RBCK1: variants seen among roughly 807,000 people sequenced by gnomAD.
RBCK1 encodes ranBP-type and C3HC4-type zinc finger-containing protein 1.
A neutral mutation model predicts 71.1 loss-of-function variants in RBCK1; 44 were observed. The ratio of observed to expected loss-of-function variants is 0.62; its 90% CI spans 0.49 to 0.80. The LOEUF (loss-of-function observed/expected upper bound fraction) is 0.80. RBCK1 is among the 30% of genes least tolerant of loss of function. The pLI is 0.00. For synonymous variants in RBCK1, 306 were observed against 279.7 expected, an observed-to-expected ratio of 1.09 and a Z score of -0.94; for missense variants, 569 against 685.0, an observed-to-expected ratio of 0.83 and a Z score of 1.89.
chr20:421,889 G>A, intron 7 of RBCK1: 1 of 521,086 alleles, frequency 1.9e-6, no homozygotes, highest in Non-Finnish European at 3.4e-6. Context: ...GGCTCCTGGA[G>A]TCACCCAGGT....
rs1179360558 is a variant in RBCK1 at position 431,059 on chromosome 20, G to C, written c.*629G>C. 1 of 152,560 alleles carries C rather than the reference G, an allele frequency of 6.6e-6. No homozygotes were observed. Among genetic ancestry groups the C allele is most frequent in the Non-Finnish European group, 1.5e-5 (1 of 68,302 alleles). The allele number at this position is 152,560 out of a possible 1,614,324, so 9.5% of individuals were successfully genotyped here. On this transcript the variant is annotated 3_prime_UTR_variant, in exon 12 of 12. Coordinates refer to ENST00000356286, the MANE Select transcript of RBCK1 (RefSeq NM_031229.4). The surrounding 1 kb of genome is among the most constrained non-coding windows in gnomAD (Gnocchi z 4.8). The stretch of plus-strand genomic sequence containing the variant: ...CCTGAGGTCTCTGGGAACTGCATCA[G>C]AAAGTTGACTTGTCAGTCCATCTGT...
intron 2 of RBCK1, chr20:410,910 A>G: frequency 4.4e-6 from 1 of 228,654 alleles, no homozygotes; most frequent in South Asian, 7.4e-5. Flanking sequence ...TTTAAAGTAT[A>G]CAGTTCAATG....
At position 428,507 on chromosome 20, in the gene RBCK1, T is replaced by C; in HGVS notation, c.1226T>C (p.Met409Thr). 1 of 1,610,228 alleles carries C rather than the reference T, an allele frequency of 6.2e-7. No homozygotes were observed. Among genetic ancestry groups the C allele is most frequent in the Non-Finnish European group, 8.5e-7 (1 of 1,178,452 alleles). ...CCGCTACAGGCCATCCATGAGCAGA[T>C]GAACTGCAAGGAGTATCAGGAGGAC... ...CLLCKAIHEQMNCKEYQEDLA... is the reference protein window; with the variant it reads ...CLLCKAIHEQTNCKEYQEDLA... The change falls in exon 10 of 12, where the codon ATG becomes ACG. Residue 409 changes from methionine to threonine, a missense_variant. Around this residue, in one of 2 missense-constraint regions of RBCK1, gnomAD observed 211 missense variants for 309.4 expected, o/e 0.68. Transcript: ENST00000356286. This position sits in a 1 kb window ranked among gnomAD's most constrained non-coding sequence, Gnocchi z 5.7.
intron 11 of RBCK1, among the ~76,000 whole-genome samples, chr20:429,880 T>C (rs2016930856): frequency 6.6e-6 from 1 of 152,192 alleles, no homozygotes; most frequent in African/African-American, 2.4e-5. Context: ...CCCCATTTCC[T>C]CTGTGAAATG....
chr20:417,456 T>C lies in RBCK1; in HGVS notation c.168-70T>C. ...ATGTGCCTGTGTGCAAATATGTACATGTCTGTAGCCGGTGGCTGAGGCTGG... is the reference window on the plus strand; with the variant it reads ...ATGTGCCTGTGTGCAAATATGTACACGTCTGTAGCCGGTGGCTGAGGCTGG... On this transcript the variant is annotated intron_variant, in intron 2 of 11. Transcript: ENST00000356286. The surrounding 1 kb of genome is among the most constrained non-coding windows in gnomAD (Gnocchi z 4.7). 1.5e-6 allele frequency: 2 copies of C among 1,337,144 alleles called. No homozygotes were observed. The highest frequency in any genetic ancestry group is 1.2e-5 in the South Asian group (1 of 84,924). The allele number at this position is 1,337,144 out of a possible 1,614,324, so 82.8% of individuals were successfully genotyped here.
At chr20:412,146 GTTGT>G (rs1257872506) in intron 2 of RBCK1, among the ~76,000 whole-genome samples, 1 of 152,108 alleles carries the variant, frequency 6.6e-6, no homozygotes, top group African/African-American at 2.4e-5. Flanking sequence ...AATACTTGTT[GTTGT>G]TTATCTTTTT....
At chr20:410,108 C>A in intron 2 of RBCK1, 83 bp downstream of exon 2, 14 of 1,461,264 alleles carry the variant, frequency 9.6e-6, no homozygotes, top group Non-Finnish European at 1.2e-5. Flanking sequence ...CCTAATGGCA[C>A]GTTCTGGCTT....
chr20:410,487 C>A (rs781330081), intron 2 of RBCK1: 2 of 779,790 alleles, frequency 2.6e-6, no homozygotes, highest in East Asian at 4.8e-5. Context: ...GAAAGACACC[C>A]CTCCACACTC....
Position 417,769 on chromosome 20 carries a change from A to G in RBCK1, c.299A>G (p.Gln100Arg). 1 of 1,613,898 alleles carries G rather than the reference A, an allele frequency of 6.2e-7. No individual in the cohort carries two copies. Among genetic ancestry groups the G allele is most frequent in the Non-Finnish European group, 8.5e-7 (1 of 1,179,904 alleles). ...LDYGFPPVLQ[Q>R]WVIGQRLARD... ...TATGGCTTCCCACCAGTCTTGCAGC[A>G]GTGGGTGATTGGGCAGCGGCTGGCA... The change falls in exon 4 of 12, where the codon CAG becomes CGG. Residue 100 changes from glutamine to arginine, a missense_variant. Physicochemically the swap from Gln to Arg is conservative, Grantham distance 43. Transcript: ENST00000356286. The surrounding 1 kb of genome is among the most constrained non-coding windows in gnomAD (Gnocchi z 4.7).
chr20:413,188 CATAGTATTTGAA>C (rs2015801613), intron 2 of RBCK1, among the ~76,000 whole-genome samples: 1 of 152,204 alleles, frequency 6.6e-6, no homozygotes, highest in African/African-American at 2.4e-5. Context: ...ACTATAGCTT[CATAGTATTTGAA>C]ATCAGGAAAT....
Position 420,804 on chromosome 20 carries a change from C to A in RBCK1, c.757-67C>A, listed in dbSNP as rs909487325. ...GCCCTGACCACGCCCCCTGGCCCTT[C>A]CCCCTTCGGGGTCTGACCCGCCCCC... On this transcript the variant is annotated intron_variant, in intron 6 of 11. Transcript: ENST00000356286. 8.3e-6 allele frequency: 12 copies of A among 1,444,010 alleles called. No individual in the cohort carries two copies. The East Asian group carries it at 1.0e-4, about 12-fold the overall frequency. 89.4% of individuals were successfully genotyped at this position (1,444,010 alleles called of 1,614,324 possible).
chr20:419,817 G>A (rs1468786087), intron 6 of RBCK1, 86 bp downstream of exon 6: 10 of 1,465,620 alleles, frequency 6.8e-6, no homozygotes, highest in Middle Eastern at 1.9e-4. Context: ...GCACTGCCGC[G>A]CCTCTCCGTT....
intron 2 of RBCK1, chr20:410,543 T>C (rs1229710267): frequency 2.6e-6 from 2 of 779,652 alleles, no homozygotes; most frequent in Non-Finnish European, 2.4e-6. Flanking sequence ...CTTCCGTTAA[T>C]TCCTGTGGAC....
intron 8 of RBCK1, among the ~76,000 whole-genome samples, chr20:426,256 T>A (rs1203719499): frequency 6.6e-6 from 1 of 152,176 alleles, no homozygotes; most frequent in Admixed American, 6.5e-5. Context: ...AAATGTACAA[T>A]TAAATTATTG....
chr20:411,444 T>C (rs2015701071), intron 2 of RBCK1, among the ~76,000 whole-genome samples: 1 of 152,082 alleles, frequency 6.6e-6, no homozygotes, highest in South Asian at 2.1e-4. Flanking sequence ...CTCAGCTCAC[T>C]GCAAGCTCCA....
In RBCK1 at chr20:430,769, C is replaced by A; in HGVS notation, c.*339C>A. ...CACCAAGCACTCTCAGCCTCCCCGC[C>A]TTCAGCTGTCAGCTTTCTGGGGCTA... On this transcript the variant is annotated 3_prime_UTR_variant, in exon 12 of 12. Transcript: ENST00000356286. This position sits in a 1 kb window ranked among gnomAD's most constrained non-coding sequence, Gnocchi z 5.6. 3.5e-6 allele frequency: 1 copy of A among 283,690 alleles called. No individual in the cohort carries two copies. The highest frequency in any genetic ancestry group is 6.7e-6 in the Non-Finnish European group (1 of 148,614). 17.6% of individuals were successfully genotyped at this position (283,690 alleles called of 1,614,324 possible). A position where few individuals can be genotyped will look rare whatever the true frequency, so the allele number is the denominator to read the frequency against.
At chr20:416,220 A>G (rs2015981960) in intron 2 of RBCK1, among the ~76,000 whole-genome samples, 1 of 150,034 alleles carries the variant, frequency 6.7e-6, no homozygotes, top group Admixed American at 6.7e-5. Context: ...CGGTGGCGCA[A>G]TCTTGGCTCA....
chr20:417,426 T>A lies in RBCK1; in HGVS notation c.168-100T>A. The A allele has an allele frequency of 1.1e-6, 1 of 937,460 alleles. No individual in the cohort carries two copies. Among genetic ancestry groups the A allele is most frequent in the Non-Finnish European group, 1.7e-6 (1 of 571,750 alleles). 58.1% of individuals were successfully genotyped at this position (937,460 alleles called of 1,614,324 possible). Reference sequence around the variant, plus strand: ...GTGTGTGTGTGTGTGTGTGTGTGCATGGCCATGTGCCTGTGTGCAAATATG... The same window carrying A: ...GTGTGTGTGTGTGTGTGTGTGTGCAAGGCCATGTGCCTGTGTGCAAATATG... On this transcript the variant is annotated intron_variant, in intron 2 of 11. Transcript: ENST00000356286. The surrounding 1 kb of genome is among the most constrained non-coding windows in gnomAD (Gnocchi z 4.7).
At chr20:420,303 A>G (rs1199206368) in intron 6 of RBCK1, 1 of 980,152 alleles carries the variant, frequency 1.0e-6, no homozygotes, top group East Asian at 1.2e-4. Flanking sequence ...CCATCGTGAC[A>G]CACGCACTAA....
Sources: gnomAD v4.1 joint callset for allele counts (sites outside exome capture counted in the v4.1 genomes callset) on GRCh38, gnomAD v4.1.1 for gene constraint, gnomAD v4.1.1 regional missense constraint, Gnocchi (gnomAD v3.1) non-coding constraint, MANE v1.5 for transcripts, NCBI Gene and HGNC (gene_info 2026-07-23, HGNC 2026-07-21) for gene names.